ZNF700: variants seen among roughly 807,000 people sequenced by gnomAD.
The protein encoded by ZNF700 is zinc finger protein 700.
ZNF700 carries 38 observed loss-of-function variants against 65.3 expected under a neutral mutation model. The observed-to-expected ratio is 0.58, with a 90% confidence interval of 0.45 to 0.76. The LOEUF (loss-of-function observed/expected upper bound fraction) is 0.76. Among genes scored for constraint, ZNF700 ranks in the 30% least tolerant of loss-of-function variants. The probability of loss-of-function intolerance (pLI) is 0.00; values close to 1 mark genes in which losing one functional copy is unlikely to be tolerated. For synonymous variants in ZNF700, 285 were observed against 290.4 expected, an observed-to-expected ratio of 0.98 and a Z score of 0.19; for missense variants, 857 against 888.4, an observed-to-expected ratio of 0.96 and a Z score of 0.45.
In ZNF700 at chr19:11,930,545, G is replaced by A. The variant is rs1032130646; in HGVS notation, c.63+5272G>A. Among the ~76,000 whole-genome samples the A allele has an allele frequency of 2.0e-4, 30 of 148,346 alleles. 3 individuals carry two copies. Among genetic ancestry groups the A allele is most frequent in the Admixed American group, 1.6e-3 (24 of 15,114 alleles). On this transcript the variant is annotated intron_variant, in intron 1 of 3. Transcript: ENST00000254321. The stretch of plus-strand genomic sequence containing the variant: ...ATCAATATAAGAACTCACTATAACC[G>A]GCAACTCTAGAATTAATTAAATTAT...
At position 11,925,117 on chromosome 19, in the gene ZNF700, C is replaced by A; in HGVS notation, c.-94C>A. 6.7e-7 allele frequency: 1 copy of A among 1,502,470 alleles called. No individual in the cohort carries two copies. The highest frequency in any genetic ancestry group is 9.1e-7 in the Non-Finnish European group (1 of 1,094,126). The allele number at this position is 1,502,470 out of a possible 1,614,324, so 93.1% of individuals were successfully genotyped here. On this transcript the variant is annotated 5_prime_UTR_variant, in exon 1 of 4. Coordinates refer to ENST00000254321, the MANE Select transcript of ZNF700 (RefSeq NM_144566.3). ...GGAGGGGGTCGCTTTCCTCACCTTC[C>A]TCGCTGCGCGGGCGGCGGTTGGTAA...
chr19:11,940,391 A>G (rs1255182957), intron 1 of ZNF700, among the ~76,000 whole-genome samples: 2 of 151,560 alleles, frequency 1.3e-5, no homozygotes, highest in East Asian at 3.9e-4. Context: ...TGATGTTTGG[A>G]TGTGTTCAGA....
intron 1 of ZNF700, among the ~76,000 whole-genome samples, chr19:11,928,352 G>A (rs2145271326): frequency 6.6e-6 from 1 of 152,202 alleles, no homozygotes; most frequent in African/African-American, 2.4e-5. Flanking sequence ...TTTCTTTCTA[G>A]CTGGTTTTTA....
rs1354032480 is a variant in ZNF700 at position 11,948,532 on chromosome 19, A to G, written c.508A>G (p.Lys170Glu). 6.2e-7 allele frequency: 1 copy of G among 1,610,786 alleles called. No individual in the cohort carries two copies. Among genetic ancestry groups the G allele is most frequent in the South Asian group, 1.1e-5 (1 of 90,158 alleles). The change falls in exon 4 of 4, where the codon AAA becomes GAA. Residue 170 changes from lysine to glutamate, a missense_variant. Lys to Glu is a moderately conservative substitution (Grantham distance 56). This residue lies in a region of ZNF700 where 603 missense variants were observed against 619.9 expected (regional missense o/e 0.97). Coordinates refer to ENST00000254321, the MANE Select transcript of ZNF700 (RefSeq NM_144566.3). ...AAAGCCATATAAGTGTCAACAACCT[A>G]AAAATAAGAAAGCCTTCAGGTATCG... ...GPKPYKCQQP[K>E]NKKAFRYRPS...
intron 1 of ZNF700, among the ~76,000 whole-genome samples, chr19:11,927,406 G>A (rs1049303974): frequency 5.4e-5 from 8 of 149,248 alleles, no homozygotes; most frequent in African/African-American, 1.0e-4. Flanking sequence ...CCAACACAGC[G>A]AGACCCTGTC....
At chr19:11,935,957 G>T (rs553988799) in intron 1 of ZNF700, among the ~76,000 whole-genome samples, 1 of 152,284 alleles carries the variant, frequency 6.6e-6, no homozygotes, top group South Asian at 2.1e-4. Flanking sequence ...AATATGCAGT[G>T]TTTGGTTTTC....
intron 1 of ZNF700, among the ~76,000 whole-genome samples, chr19:11,930,181 C>G (rs1183102796): frequency 6.7e-6 from 1 of 148,440 alleles, no homozygotes; most frequent in Non-Finnish European, 1.5e-5. Flanking sequence ...CTTCTCTCTC[C>G]TAACTTCAGT....
In ZNF700 at chr19:11,947,093, G is replaced by A. The variant is rs372080793; in HGVS notation, c.64-88G>A. The stretch of plus-strand genomic sequence containing the variant: ...AGGGAATAAATGTTTGGAGTCCACA[G>A]CATCCTGAGAACTTCTTGGGAATAG... On this transcript the variant is annotated intron_variant, in intron 1 of 3. Coordinates refer to ENST00000254321, the MANE Select transcript of ZNF700 (RefSeq NM_144566.3). The A allele has an allele frequency of 1.4e-4, 215 of 1,535,746 alleles. 1 individual carries two copies. In the African/African-American group the frequency reaches 2.7e-3, roughly 19 times the overall value.
chr19:11,949,130 A>C lies in ZNF700; in HGVS notation c.1106A>C (p.Lys369Thr). Reference sequence around the variant, plus strand: ...CCTTATAAATGTAAGATATGTGGGAAAGGCTTTTATTCTGCCAAGTCATTT... The same window carrying C: ...CCTTATAAATGTAAGATATGTGGGACAGGCTTTTATTCTGCCAAGTCATTT... Reference protein sequence around the residue: ...ERPYKCKICGKGFYSAKSFQT... With the variant: ...ERPYKCKICGTGFYSAKSFQT... The change falls in exon 4 of 4, where the codon AAA becomes ACA. Residue 369 changes from lysine to threonine, a missense_variant. Transcript: ENST00000254321. The C allele has an allele frequency of 6.2e-7, 1 of 1,612,354 alleles. No individual in the cohort carries two copies. The highest frequency in any genetic ancestry group is 1.1e-5 in the South Asian group (1 of 90,702).
chr19:11,938,341 C>T (rs1434381843), intron 1 of ZNF700, among the ~76,000 whole-genome samples: 1 of 152,102 alleles, frequency 6.6e-6, no homozygotes, highest in Non-Finnish European at 1.5e-5. Flanking sequence ...CCCATTAACT[C>T]GTTATTTACA....
At position 11,947,380 on chromosome 19, in the gene ZNF700, G is replaced by A. The variant is rs1223267462; in HGVS notation, c.190+73G>A. On this transcript the variant is annotated intron_variant, in intron 2 of 3. Coordinates refer to ENST00000254321, the MANE Select transcript of ZNF700 (RefSeq NM_144566.3). ...TTCTAGCTCATGAATGCTGTTGAGT[G>A]ATTTTGAACATAGACAGGAAATACC... 8.1e-6 allele frequency: 13 copies of A among 1,608,110 alleles called. No individual in the cohort carries two copies. In the Admixed American group the frequency reaches 1.6e-4, roughly 19 times the overall value.
chr19:11,925,871 C>G (rs757484639), intron 1 of ZNF700, among the ~76,000 whole-genome samples: 20 of 152,216 alleles, frequency 1.3e-4, no homozygotes, highest in South Asian at 1.0e-3. Context: ...TAAGTGGTCC[C>G]GAGGCGGCTC....
intron 1 of ZNF700, among the ~76,000 whole-genome samples, chr19:11,927,722 T>C (rs1407613607): frequency 6.6e-6 from 1 of 152,210 alleles, no homozygotes; most frequent in Non-Finnish European, 1.5e-5. Context: ...AAAGCACATA[T>C]TGTTATAGGT....
chr19:11,942,436 G>A (rs1053889960), intron 1 of ZNF700, among the ~76,000 whole-genome samples: 34 of 152,178 alleles, frequency 2.2e-4, no homozygotes, highest in African/African-American at 8.0e-4. Context: ...GACAGCCCAG[G>A]CAGCTCGTTT....
chr19:11,942,024 C>T (rs1361325753), intron 1 of ZNF700, among the ~76,000 whole-genome samples: 1 of 152,082 alleles, frequency 6.6e-6, no homozygotes, highest in Non-Finnish European at 1.5e-5. Flanking sequence ...CTCTTGTGCA[C>T]TTAGGGTGCC....
intron 1 of ZNF700, among the ~76,000 whole-genome samples, chr19:11,925,662 C>T (rs1170422421): frequency 6.6e-6 from 1 of 152,194 alleles, no homozygotes. Flanking sequence ...CCCACTTTCT[C>T]CTGTTAAAAA....
chr19:11,947,036 A>G, intron 1 of ZNF700, 145 bp from the exon 2 acceptor site: 1 of 1,329,138 alleles, frequency 7.5e-7, no homozygotes, highest in African/African-American at 1.5e-5. Flanking sequence ...AAGTAAGTAT[A>G]GATGGAGAGA....
At chr19:11,930,735 T>C (rs1972700973) in intron 1 of ZNF700, among the ~76,000 whole-genome samples, 1 of 148,180 alleles carries the variant, frequency 6.7e-6, no homozygotes, top group Non-Finnish European at 1.5e-5. Flanking sequence ...GTGTGGTGGC[T>C]CACGCCTGTA....
At chr19:11,934,003 A>G (rs1972753018) in intron 1 of ZNF700, among the ~76,000 whole-genome samples, 1 of 147,564 alleles carries the variant, frequency 6.8e-6, no homozygotes, top group South Asian at 2.1e-4. Context: ...ACTGAGTAAC[A>G]TTACGTTGGA....
Sources: allele counts gnomAD v4.1 joint callset (sites outside exome capture counted in the v4.1 genomes callset), GRCh38; gene constraint gnomAD v4.1.1; regional missense constraint gnomAD v4.1.1; transcripts MANE v1.5; gene names NCBI Gene and HGNC (gene_info 2026-07-23, HGNC 2026-07-21).